Variants in COL28A1 observed in about 807,000 individuals in gnomAD.
COL28A1 encodes collagen type XXVIII alpha 1 chain, also known as collagen alpha-1(XXVIII) chain.
A neutral mutation model predicts 150.2 loss-of-function variants in COL28A1; 161 were observed. That is an observed-to-expected ratio of 1.07 (90% CI 0.94 to 1.22). COL28A1 has a LOEUF of 1.22. COL28A1 is among the 50% of genes most tolerant of loss of function. The pLI is 0.00. For synonymous variants in COL28A1, 552 were observed against 469.7 expected (o/e 1.18, Z -2.26); for missense variants, 1,617 against 1,388.3 (o/e 1.16, Z -2.62).
At chr7:7,501,222 T>C (rs1780505010) in intron 11 of COL28A1, among the ~76,000 whole-genome samples, 1 of 152,228 alleles carries the variant, frequency 6.6e-6, no homozygotes, top group African/African-American at 2.4e-5. Flanking sequence ...ATTATGAACG[T>C]CCTAGAGTAG....
At chr7:7,406,221 C>G (rs1330074357) in intron 27 of COL28A1, among the ~76,000 whole-genome samples, 2 of 152,154 alleles carry the variant, frequency 1.3e-5, no homozygotes, top group Non-Finnish European at 2.9e-5. Flanking sequence ...TTAGGGTTCT[C>G]TTTAATAATG....
intron 15 of COL28A1, among the ~76,000 whole-genome samples, chr7:7,474,367 CA>C (rs1788703611): frequency 6.6e-6 from 1 of 151,770 alleles, no homozygotes; most frequent in Non-Finnish European, 1.5e-5. Context: ...ATGGGTGCAC[CA>C]AAATCTCACA....
intron 5 of COL28A1, 121 bp downstream of exon 5, chr7:7,521,784 T>G: frequency 1.4e-6 from 1 of 697,136 alleles, no homozygotes; most frequent in Admixed American, 2.2e-5. Flanking sequence ...TTTCCATTTT[T>G]CCTCCCATTT....
At chr7:7,463,138 C>G (rs995332173) in intron 15 of COL28A1, among the ~76,000 whole-genome samples, 1 of 151,968 alleles carries the variant, frequency 6.6e-6, no homozygotes, top group Non-Finnish European at 1.5e-5. Context: ...AACTTCCCCA[C>G]CCCTGCTAGA....
rs773423270 is a variant in COL28A1 at position 7,373,317 on chromosome 7, C to G, written c.2589G>C (p.Leu863Phe). ...KQFSSKDDFKLAVDNMQYLGE... is the reference protein window; with the variant it reads ...KQFSSKDDFKFAVDNMQYLGE... Reference sequence around the variant, plus strand: ...CCAGATACTGCATGTTGTCCACAGCCAACTTGAAGTCATCCTTGCTGGAGA... The same window carrying G: ...CCAGATACTGCATGTTGTCCACAGCGAACTTGAAGTCATCCTTGCTGGAGA... Residue 863 changes from leucine (L) to phenylalanine (F), a missense_variant, in exon 32 of 35, where the codon TTG becomes TTC. Physicochemically the swap from Leu to Phe is conservative, Grantham distance 22. Coordinates refer to ENST00000399429, the MANE Select transcript of COL28A1 (RefSeq NM_001037763.3). This position sits in a 1 kb window ranked among gnomAD's most constrained non-coding sequence, Gnocchi z 4.1. 6 of 1,614,032 alleles carry G rather than the reference C, an allele frequency of 3.7e-6. No individual in the cohort carries two copies. The highest frequency in any genetic ancestry group is 1.7e-5 in the Admixed American group (1 of 60,004).
At chr7:7,365,909 T>G (rs143196927) in intron 33 of COL28A1, among the ~76,000 whole-genome samples, 1 of 152,268 alleles carries the variant, frequency 6.6e-6, no homozygotes, top group Non-Finnish European at 1.5e-5. Flanking sequence ...CTCAAATACT[T>G]AAACTGAAGG....
chr7:7,368,192 G>A (rs1166377026), intron 33 of COL28A1, among the ~76,000 whole-genome samples: 1 of 152,018 alleles, frequency 6.6e-6, no homozygotes, highest in Non-Finnish European at 1.5e-5. Context: ...CTCCTCTGCT[G>A]TCTCTGCCTG....
chr7:7,452,548 T>G (rs1235954506), intron 17 of COL28A1, among the ~76,000 whole-genome samples, 161 bp from the exon 18 acceptor site: 2 of 152,248 alleles, frequency 1.3e-5, no homozygotes, highest in East Asian at 1.9e-4. Context: ...TGCACCAGAT[T>G]TGGAATATAT....
intron 31 of COL28A1, among the ~76,000 whole-genome samples, chr7:7,374,038 A>AAAATATATATATATATATATATATAT: frequency 8.8e-6 from 1 of 113,658 alleles, no homozygotes; most frequent in African/African-American, 3.8e-5. Flanking sequence ...AAAAAAAAAA[A>AAAATATATATATATATATATATATAT]ATATATATAT....
intron 27 of COL28A1, among the ~76,000 whole-genome samples, chr7:7,412,450 G>A (rs187773234): frequency 5.6e-4 from 85 of 152,178 alleles, no homozygotes; most frequent in African/African-American, 2.0e-3. Context: ...AATATATTAT[G>A]CTTAAGAGCA....
intron 27 of COL28A1, among the ~76,000 whole-genome samples, chr7:7,410,088 T>G (rs1013467569): frequency 6.6e-6 from 1 of 152,156 alleles, no homozygotes; most frequent in Non-Finnish European, 1.5e-5. Context: ...AGCAACTTGG[T>G]CCAGGAGGAA....
the COL28A1 span, among the ~76,000 whole-genome samples, chr7:7,344,872 T>G: frequency 6.6e-6 from 1 of 152,134 alleles, no homozygotes; most frequent in Non-Finnish European, 1.5e-5. Context: ...ATACATCATT[T>G]AGATGCTCCT....
chr7:7,380,641 CT>C lies in COL28A1; in HGVS notation c.2322+18del. On this transcript the variant is annotated intron_variant, in intron 30 of 34. Transcript: ENST00000399429. The stretch of plus-strand genomic sequence containing the variant: ...TGCAAGCACAAAACCCTCAATTACC[CT>C]CTAGAATGGATACTCACTGTAAGTC... 6.2e-7 allele frequency: 1 copy of C among 1,610,470 alleles called. No homozygotes were observed. The highest frequency in any genetic ancestry group is 8.5e-7 in the Non-Finnish European group (1 of 1,177,010).
At chr7:7,426,957 A>G (rs1784673182) in intron 25 of COL28A1, among the ~76,000 whole-genome samples, 1 of 152,202 alleles carries the variant, frequency 6.6e-6, no homozygotes, top group Non-Finnish European at 1.5e-5. Flanking sequence ...CCACTGGGAG[A>G]AAGTTCCTCC....
intron 27 of COL28A1, among the ~76,000 whole-genome samples, chr7:7,416,907 A>T (rs180880795): frequency 6.6e-6 from 1 of 152,314 alleles, no homozygotes; most frequent in African/African-American, 2.4e-5. Context: ...TTTGAAAAGG[A>T]GTTTATTTTG....
At chr7:7,448,606 G>GT (rs1786449180) in intron 18 of COL28A1, among the ~76,000 whole-genome samples, 1 of 150,322 alleles carries the variant, frequency 6.7e-6, no homozygotes, top group African/African-American at 2.4e-5. Context: ...ATATAAAAAT[G>GT]TTCATTTATA....
At chr7:7,480,772 G>T (rs184065699) in intron 13 of COL28A1, among the ~76,000 whole-genome samples, 8 of 152,220 alleles carry the variant, frequency 5.3e-5, no homozygotes, top group Non-Finnish European at 1.0e-4. Flanking sequence ...CTGTCTCATG[G>T]AGCTGACAAT....
At chr7:7,518,738 G>A (rs959997692) in intron 6 of COL28A1, among the ~76,000 whole-genome samples, 3 of 151,986 alleles carry the variant, frequency 2.0e-5, no homozygotes, top group South Asian at 2.1e-4. Flanking sequence ...GTTTTTAAAC[G>A]TCAAAACACA....
rs754089394 is a variant in COL28A1, at chr7:7,531,426, C to T, written c.603G>A (p.Leu201=). 6.2e-7 allele frequency: 1 copy of T among 1,602,746 alleles called. No individual in the cohort carries two copies. The highest frequency in any genetic ancestry group is 1.1e-5 in the South Asian group (1 of 90,228). The change falls in exon 3 of 35, where the codon TTG becomes TTA. Residue 201 remains leucine, a synonymous_variant. Transcript: ENST00000399429. ...STVVNEAKLR[L]ISGDSSSEPT... is the part of the protein sequence containing the mutation. ...GTTCACTGGATGAATCCCCAGAAAT[C>T]AAACGAAGTTTGGCTTCATTGACTA...
Sources: gnomAD v4.1 joint callset for allele counts (sites outside exome capture counted in the v4.1 genomes callset) on GRCh38, gnomAD v4.1.1 for gene constraint, Gnocchi (gnomAD v3.1) non-coding constraint, MANE v1.5 for transcripts, NCBI Gene and HGNC (gene_info 2026-07-23, HGNC 2026-07-21) for gene names.